Variants in HAPSTR1 observed in about 807,000 individuals in gnomAD.
The protein encoded by HAPSTR1 is HUWE1-associated protein modifying stress responses 1.
At chr16:9,102,383 C>G in the HAPSTR1 span, among the ~76,000 whole-genome samples, 1 of 152,120 alleles carries the variant, frequency 6.6e-6, no homozygotes, top group Non-Finnish European at 1.5e-5. Flanking sequence ...AGAATTTAGT[C>G]TAGGAGATCT....
chr16:9,113,307 A>G, the HAPSTR1 span: 10 of 152,216 alleles, frequency 6.6e-5, no homozygotes, highest in African/African-American at 1.7e-4. Flanking sequence ...CATATTGCAC[A>G]TTAAAGTTAT....
chr16:9,105,186 G>C, the HAPSTR1 span: 3 of 152,312 alleles, frequency 2.0e-5, no homozygotes, highest in East Asian at 5.8e-4. Flanking sequence ...CAATGATACA[G>C]TTGAAGGGAC....
At chr16:9,092,060 G>A in the HAPSTR1 span, 1 of 1,529,020 alleles carries the variant, frequency 6.5e-7, no homozygotes, top group Non-Finnish European at 8.8e-7. Flanking sequence ...GGAGCGGAAG[G>A]AGGAGGGCGA....
the HAPSTR1 span, among the ~76,000 whole-genome samples, chr16:9,114,279 G>T: frequency 6.6e-6 from 1 of 152,104 alleles, no homozygotes; most frequent in Non-Finnish European, 1.5e-5. Context: ...GTAAGGTAGG[G>T]GTTGAGGATA....
the HAPSTR1 span, chr16:9,108,890 TG>T: frequency 6.6e-5 from 10 of 152,194 alleles, no homozygotes; most frequent in African/African-American, 2.4e-4. Flanking sequence ...ACCATGACAC[TG>T]GAAGTATTCT....
chr16:9,098,576 G>T, the HAPSTR1 span, among the ~76,000 whole-genome samples: 1 of 152,170 alleles, frequency 6.6e-6, no homozygotes, highest in African/African-American at 2.4e-5. Flanking sequence ...AGCACTTGAG[G>T]CTGAGGGGAG....
At chr16:9,094,007 G>T in the HAPSTR1 span, among the ~76,000 whole-genome samples, 2 of 151,944 alleles carry the variant, frequency 1.3e-5, no homozygotes, top group Non-Finnish European at 2.9e-5. Context: ...ATATATTTAG[G>T]CCATATATAG....
the HAPSTR1 span, among the ~76,000 whole-genome samples, chr16:9,113,367 G>A: frequency 1.3e-5 from 2 of 152,146 alleles, no homozygotes; most frequent in African/African-American, 4.8e-5. Flanking sequence ...TGATTTCCCA[G>A]AAGCTGTTAG....
chr16:9,098,320 C>T, the HAPSTR1 span, among the ~76,000 whole-genome samples: 5 of 152,058 alleles, frequency 3.3e-5, no homozygotes, highest in Non-Finnish European at 5.9e-5. Context: ...GCAGCAAGAG[C>T]GAAAATCCAT....
chr16:9,105,343 T>G, the HAPSTR1 span: 1 of 152,230 alleles, frequency 6.6e-6, no homozygotes, highest in Non-Finnish European at 1.5e-5. Flanking sequence ...ATTCTTACTC[T>G]TAGGGTTCAT....
the HAPSTR1 span, among the ~76,000 whole-genome samples, chr16:9,101,276 T>G: frequency 2.0e-5 from 3 of 152,246 alleles, no homozygotes; most frequent in Non-Finnish European, 4.4e-5. Context: ...TCTACTGTTA[T>G]TTACATTCAA....
chr16:9,096,804 C>T, the HAPSTR1 span, among the ~76,000 whole-genome samples: 8 of 151,836 alleles, frequency 5.3e-5, no homozygotes, highest in Non-Finnish European at 1.2e-4. Flanking sequence ...AGGAGGATTG[C>T]TTGGGGCAAT....
the HAPSTR1 span, among the ~76,000 whole-genome samples, chr16:9,101,470 C>T: frequency 0.021 from 3,152 of 152,310 alleles, 47 homozygotes; most frequent in Non-Finnish European, 0.029. Context: ...TATAGCATAT[C>T]AGGTTTCCAA....
At chr16:9,119,554 A>G in the HAPSTR1 span, 2 of 152,194 alleles carry the variant, frequency 1.3e-5, no homozygotes, top group Non-Finnish European at 2.9e-5. Flanking sequence ...TGAAGTATTA[A>G]AATGTTTAAT....
chr16:9,094,434 C>T, the HAPSTR1 span, among the ~76,000 whole-genome samples: 1 of 151,820 alleles, frequency 6.6e-6, no homozygotes. Flanking sequence ...AAAAAGGTTT[C>T]TGGGAGTGTA....
chr16:9,093,044 C>T, the HAPSTR1 span: 1 of 1,555,644 alleles, frequency 6.4e-7, no homozygotes, highest in Non-Finnish European at 8.8e-7. Flanking sequence ...GGAAGGGCCG[C>T]CTGCGTCAGG....
chr16:9,098,704 G>C, the HAPSTR1 span, among the ~76,000 whole-genome samples: 2 of 152,152 alleles, frequency 1.3e-5, no homozygotes, highest in African/African-American at 4.8e-5. Flanking sequence ...TGGTGGACTG[G>C]CTAGTGCAAA....
At chr16:9,113,405 T>TA in the HAPSTR1 span, among the ~76,000 whole-genome samples, 1 of 152,202 alleles carries the variant, frequency 6.6e-6, no homozygotes, top group African/African-American at 2.4e-5. Context: ...AATTGATGTT[T>TA]AACACATCTT....
chr16:9,100,309 G>A, the HAPSTR1 span, among the ~76,000 whole-genome samples: 3 of 152,130 alleles, frequency 2.0e-5, no homozygotes, highest in Non-Finnish European at 2.9e-5. Context: ...GAGTTTTCCC[G>A]ATGTTCAAAT....
Sources: gnomAD v4.1 joint callset for allele counts (sites outside exome capture counted in the v4.1 genomes callset) on GRCh38, gnomAD v4.1.1 for gene constraint, MANE v1.5 for transcripts, NCBI Gene and HGNC (gene_info 2026-07-23, HGNC 2026-07-21) for gene names.